ATP1A2: variants seen among roughly 807,000 people sequenced by gnomAD.
The protein encoded by ATP1A2 is ATPase Na+/K+ transporting subunit alpha 2, also known as sodium/potassium-transporting ATPase subunit alpha-2.
In ATP1A2, 56 loss-of-function variants were observed where a neutral mutation model predicts 113.1. The observed-to-expected ratio is 0.49, with a 90% confidence interval of 0.40 to 0.62. The LOEUF is 0.62. ATP1A2 is among the 20% of genes least tolerant of loss of function. The pLI, the probability that ATP1A2 is intolerant of heterozygous loss-of-function variation, is 0.00. For missense variants in ATP1A2, 712 were observed against 1,357.8 expected (o/e 0.52, Z 7.47); for synonymous variants, 490 against 526.8 (o/e 0.93, Z 0.96).
chr1:160,132,838 T>C (rs1009854059), intron 13 of ATP1A2, among the ~76,000 whole-genome samples: 1 of 152,038 alleles, frequency 6.6e-6, no homozygotes, highest in Non-Finnish European at 1.5e-5. Context: ...GTATGTTGTA[T>C]TATATTGCCC....
chr1:160,141,247 T>C (rs1167280316), intron 22 of ATP1A2, 47 bp from the exon 23 acceptor site: 1 of 1,612,718 alleles, frequency 6.2e-7, no homozygotes, highest in Admixed American at 1.7e-5. Context: ...ATCTCTTGCC[T>C]CCTTTTAAGC....
intron 20 of ATP1A2, among the ~76,000 whole-genome samples, chr1:160,138,353 A>C (rs189400421): frequency 6.6e-6 from 1 of 152,394 alleles, no homozygotes; most frequent in East Asian, 1.9e-4. Flanking sequence ...GCTGATTCAC[A>C]GTTCTGTCTG....
chr1:160,121,300 T>C (rs755282717), intron 3 of ATP1A2, 49 bp downstream of exon 3: 1 of 1,601,922 alleles, frequency 6.2e-7, no homozygotes, highest in South Asian at 1.1e-5. Context: ...AAGAAAACCA[T>C]GCAGCATCAA....
chr1:160,126,063 TTCTCC>T (rs1481635494), intron 7 of ATP1A2, among the ~76,000 whole-genome samples: 2 of 152,146 alleles, frequency 1.3e-5, no homozygotes, highest in East Asian at 3.9e-4. Flanking sequence ...CATTACTCAT[TTCTCC>T]TCAGTGTATT....
intron 1 of ATP1A2, among the ~76,000 whole-genome samples, chr1:160,117,573 A>G (rs1365997370): frequency 1.3e-5 from 2 of 152,072 alleles, no homozygotes; most frequent in Non-Finnish European, 2.9e-5. Context: ...AGGTGGGGGT[A>G]TTTAGGGCCT....
chr1:160,126,754 A>T (rs1278743176), intron 7 of ATP1A2, among the ~76,000 whole-genome samples: 5 of 152,184 alleles, frequency 3.3e-5, no homozygotes, highest in African/African-American at 9.7e-5. Flanking sequence ...TACAGGCATG[A>T]GCCACCGAGC....
chr1:160,139,052 G>A (rs1652049651), intron 20 of ATP1A2, among the ~76,000 whole-genome samples: 1 of 152,164 alleles, frequency 6.6e-6, no homozygotes, highest in African/African-American at 2.4e-5. Flanking sequence ...GCAGAACTGG[G>A]AATAGACACC....
At chr1:160,137,559 C>T (rs1651995192) in intron 20 of ATP1A2, among the ~76,000 whole-genome samples, 1 of 152,160 alleles carries the variant, frequency 6.6e-6, no homozygotes, top group Non-Finnish European at 1.5e-5. Context: ...GGATAAGAGG[C>T]CCCAAACAGG....
At chr1:160,137,117 T>C in intron 20 of ATP1A2, 86 bp downstream of exon 20, 1 of 1,606,048 alleles carries the variant, frequency 6.2e-7, no homozygotes, top group Non-Finnish European at 8.5e-7. Context: ...AACTCAGCCC[T>C]GGACCAGAGC....
chr1:160,124,288 C>A lies in ATP1A2; in HGVS notation c.496-8C>A, dbSNP rs1206648013. On this transcript the variant is annotated splice_polypyrimidine_tract_variant and splice_region_variant and intron_variant, in intron 5 of 22. Transcript: ENST00000361216. ...AGCATTTCATGAGCTGCCTGTGGCT[C>A]CCCACAGCAAGCCCTTGTGATCCGG... is the stretch of plus-strand genomic sequence containing the variant. 1 of 1,595,920 alleles carries A rather than the reference C, an allele frequency of 6.3e-7. No homozygotes were observed. The highest frequency in any genetic ancestry group is 8.5e-7 in the Non-Finnish European group (1 of 1,171,358).
chr1:160,141,476 T>C lies in ATP1A2; in HGVS notation c.*154T>C, dbSNP rs1040806092. The C allele has an allele frequency of 1.0e-6, 1 of 956,650 alleles. No homozygotes were observed. The highest frequency in any genetic ancestry group is 2.7e-4 in the Middle Eastern group (1 of 3,672). 59.3% of individuals were successfully genotyped at this position (956,650 alleles called of 1,614,324 possible). A position where few individuals can be genotyped will look rare whatever the true frequency, so the allele number is the denominator to read the frequency against. On this transcript the variant is annotated 3_prime_UTR_variant, in exon 23 of 23. Transcript: ENST00000361216. The stretch of plus-strand genomic sequence containing the variant: ...ACTCAGCAGGCTAAGTTGCGGGGTA[T>C]ATAAATTGGGGTGATGACCCCATAG...
chr1:160,117,789 C>T (rs1651235948), intron 1 of ATP1A2, among the ~76,000 whole-genome samples: 1 of 152,152 alleles, frequency 6.6e-6, no homozygotes, highest in Non-Finnish European at 1.5e-5. Context: ...GGAGGGAGCC[C>T]AGCCTGCTCC....
intron 13 of ATP1A2, among the ~76,000 whole-genome samples, chr1:160,131,288 A>G (rs1030888320): frequency 6.6e-6 from 1 of 152,176 alleles, no homozygotes; most frequent in African/African-American, 2.4e-5. Flanking sequence ...GATTTCATTT[A>G]ATCTACGCAA....
Position 160,130,464 on chromosome 1 carries a change from G to A in ATP1A2, c.1694G>A (p.Gly565Asp), listed in dbSNP as rs759225094. The change falls in exon 13 of 23, where the codon GGC becomes GAC. Residue 565 changes from glycine (G) to aspartate (D), a missense_variant. Gly to Asp is a moderately conservative substitution (Grantham distance 94). This residue lies in a region of ATP1A2 where 263 missense variants were observed against 380.6 expected (regional missense o/e 0.69). Coordinates refer to ENST00000361216, the MANE Select transcript of ATP1A2 (RefSeq NM_000702.4). Reference sequence around the variant, plus strand: ...CTGCCATCTGGAAAGTTTCCTCGGGGCTTCAAATTCGACACGGATGAGCTG... The same window carrying A: ...CTGCCATCTGGAAAGTTTCCTCGGGACTTCAAATTCGACACGGATGAGCTG... ...LNLPSGKFPRGFKFDTDELNF... is the reference protein window; with the variant it reads ...LNLPSGKFPRDFKFDTDELNF... 2.6e-5 allele frequency: 42 copies of A among 1,614,214 alleles called. No individual in the cohort carries two copies. The highest frequency in any genetic ancestry group is 3.6e-5 in the Non-Finnish European group (42 of 1,180,028).
chr1:160,133,124 G>T (rs528929243), intron 13 of ATP1A2, among the ~76,000 whole-genome samples: 27 of 152,274 alleles, frequency 1.8e-4, no homozygotes, highest in African/African-American at 6.5e-4. Context: ...CTACTAGGCT[G>T]CCACCCTGAG....
At position 160,117,287 on chromosome 1, in the gene ATP1A2, G is replaced by A. The variant is rs563549202; in HGVS notation, c.12+1414G>A. ...AGCTGAGATGCAGGACCTCTGAGAA[G>A]AGGCAGGGGTTAAAGGATCAGATAA... is the stretch of plus-strand genomic sequence containing the variant. On this transcript the variant is annotated intron_variant, in intron 1 of 22. Coordinates refer to ENST00000361216, the MANE Select transcript of ATP1A2 (RefSeq NM_000702.4). 5.3e-5 allele frequency among the ~76,000 whole-genome samples: 8 copies of A among 152,272 alleles called. No homozygotes were observed. The East Asian group carries it at 1.4e-3, about 26-fold the overall frequency.
chr1:160,127,927 A>G, intron 8 of ATP1A2, 107 bp downstream of exon 8: 1 of 1,449,776 alleles, frequency 6.9e-7, no homozygotes, highest in Non-Finnish European at 9.2e-7. Context: ...TTCCCCCTAG[A>G]GTCACTTATT....
intron 7 of ATP1A2, among the ~76,000 whole-genome samples, chr1:160,126,560 C>T (rs1651593573): frequency 6.6e-6 from 1 of 152,136 alleles, no homozygotes. Flanking sequence ...GCCTTGACCT[C>T]CCAGGCTCAA....
At chr1:160,132,884 T>C (rs1651813568) in intron 13 of ATP1A2, among the ~76,000 whole-genome samples, 1 of 151,742 alleles carries the variant, frequency 6.6e-6, no homozygotes, top group Non-Finnish European at 1.5e-5. Context: ...GGGAGGAGAA[T>C]GAAATCCTGT....
Sources: gnomAD v4.1 joint callset for allele counts (sites outside exome capture counted in the v4.1 genomes callset) on GRCh38, gnomAD v4.1.1 for gene constraint, gnomAD v4.1.1 regional missense constraint, MANE v1.5 for transcripts, NCBI Gene and HGNC (gene_info 2026-07-23, HGNC 2026-07-21) for gene names.